Variants in TRPM7 observed in about 807,000 individuals in gnomAD.
TRPM7 encodes the protein LTRPC ion channel family member 7.
Under a neutral mutation model 229.7 loss-of-function variants are expected in TRPM7, and 134 were observed. The ratio of observed to expected loss-of-function variants is 0.58; its 90% CI spans 0.51 to 0.67. The LOEUF (loss-of-function observed/expected upper bound fraction) is 0.67, where lower values mean the gene tolerates loss of function less well. Among genes scored for constraint, TRPM7 ranks in the 30% least tolerant of loss-of-function variants. The pLI, the probability that TRPM7 is intolerant of heterozygous loss-of-function variation, is 0.00. For synonymous variants in TRPM7, 699 were observed against 715.2 expected, an observed-to-expected ratio of 0.98 and a Z score of 0.36; for missense variants, 1,901 against 2,210.0, an observed-to-expected ratio of 0.86 and a Z score of 2.80.
intron 5 of TRPM7, among the ~76,000 whole-genome samples, chr15:50,642,640 A>T (rs2140773874): frequency 6.6e-6 from 1 of 152,258 alleles, no homozygotes; most frequent in South Asian, 2.1e-4. Context: ...ACCTTCCACC[A>T]TGATTATAAA....
rs1883202557 is a variant in TRPM7 at position 50,658,822 on chromosome 15, A to G, written c.84-1003T>C. Among the ~76,000 whole-genome samples, 4 of 152,236 alleles carry G rather than the reference A, an allele frequency of 2.6e-5. 1 individual carries two copies. The highest frequency in any genetic ancestry group is 9.6e-5 in the African/African-American group (4 of 41,470). ...ATTTTTTTCCTAACAGCCAAAAGAA[A>G]GTGAAAATAGCTAAAATGTTCAATA... On this transcript the variant is annotated intron_variant, in intron 2 of 38. Transcript: ENST00000646667.
intron 22 of TRPM7, among the ~76,000 whole-genome samples, chr15:50,598,429 A>G (rs1286569530): frequency 6.6e-6 from 1 of 152,230 alleles, no homozygotes; most frequent in Non-Finnish European, 1.5e-5. Flanking sequence ...GAATGTACTC[A>G]CAAGCTGCAA....
chr15:50,650,192 CAAAAAAAAA>C (rs59579538), intron 3 of TRPM7, among the ~76,000 whole-genome samples: 1,065 of 62,302 alleles, frequency 0.017, 14 homozygotes, highest in African/African-American at 0.073. Flanking sequence ...GACTTTGTCT[CAAAAAAAAA>C]AAAAAAAAAA....
At position 50,639,446 on chromosome 15, in the gene TRPM7, C is replaced by G; in HGVS notation, c.638G>C (p.Arg213Thr). 6.2e-7 allele frequency: 1 copy of G among 1,601,718 alleles called. No homozygotes were observed. Among genetic ancestry groups the G allele is most frequent in the Non-Finnish European group, 8.5e-7 (1 of 1,172,900 alleles). The part of the protein sequence containing the change: ...GIAPWGVIEN[R>T]NDLVGRDVVA... Reference sequence around the variant, plus strand: ...TACATCTCTCCCAACAAGATCATTTCTGTTTTCAATCACTCCCCATGGAGC... The same window carrying G: ...TACATCTCTCCCAACAAGATCATTTGTGTTTTCAATCACTCCCCATGGAGC... Residue 213 changes from arginine to threonine, a missense_variant, in exon 6 of 39, where the codon AGA becomes ACA. This residue lies in a region of TRPM7 where 794 missense variants were observed against 881.9 expected (regional missense o/e 0.90). Coordinates refer to ENST00000646667, the MANE Select transcript of TRPM7 (RefSeq NM_017672.6).
chr15:50,640,816 G>A (rs971627164), intron 5 of TRPM7, among the ~76,000 whole-genome samples: 5 of 152,060 alleles, frequency 3.3e-5, no homozygotes, highest in African/African-American at 1.2e-4. Flanking sequence ...GAAACACCAA[G>A]GATACCTATA....
At chr15:50,685,238 G>A (rs2062331283) in intron 1 of TRPM7, among the ~76,000 whole-genome samples, 1 of 152,198 alleles carries the variant, frequency 6.6e-6, no homozygotes, top group Admixed American at 6.5e-5. Context: ...TGAGGCGGGC[G>A]GATCACCTGA....
intron 38 of TRPM7, among the ~76,000 whole-genome samples, chr15:50,564,513 TA>T (rs1424694079): frequency 6.6e-6 from 1 of 151,688 alleles, no homozygotes; most frequent in African/African-American, 2.4e-5. Context: ...CATTATAAAC[TA>T]ACCAAGTCAT....
At chr15:50,585,050 A>ATTTTTTTTTTTT (rs755433337) in intron 28 of TRPM7, among the ~76,000 whole-genome samples, 9 of 95,058 alleles carry the variant, frequency 9.5e-5, no homozygotes, top group African/African-American at 1.6e-4. Flanking sequence ...TAATTTTTGT[A>ATTTTTTTTTTTT]TTTTTTTTTT....
intron 10 of TRPM7, among the ~76,000 whole-genome samples, 187 bp downstream of exon 10, chr15:50,631,230 A>G (rs2060719688): frequency 6.6e-6 from 1 of 152,220 alleles, no homozygotes; most frequent in Non-Finnish European, 1.5e-5. Context: ...ATTAAAAGTT[A>G]CCTTGCCGCC....
intron 38 of TRPM7, among the ~76,000 whole-genome samples, chr15:50,564,155 C>G (rs1033439206): frequency 6.6e-6 from 1 of 151,844 alleles, no homozygotes; most frequent in Non-Finnish European, 1.5e-5. Context: ...AGCCATGGTG[C>G]CTGCCCAACA....
chr15:50,640,458 T>TC (rs2061067222), intron 5 of TRPM7, among the ~76,000 whole-genome samples: 1 of 147,958 alleles, frequency 6.8e-6, no homozygotes, highest in African/African-American at 2.5e-5. Context: ...TTTTTCTTTT[T>TC]TTTTTTTTTT....
At chr15:50,638,850 T>C (rs2061002917) in intron 6 of TRPM7, among the ~76,000 whole-genome samples, 1 of 152,044 alleles carries the variant, frequency 6.6e-6, no homozygotes. Context: ...CCAGTTAATT[T>C]TTGTATTTTT....
rs138638463 is a variant in TRPM7, at chr15:50,592,906, T to C, written c.3609-280A>G. Among the ~76,000 whole-genome samples the C allele has an allele frequency of 9.2e-5, 14 of 152,306 alleles. No homozygotes were observed. In the East Asian group the frequency reaches 2.5e-3, roughly 27 times the overall value. ...TCAAAGTAACACAAAATAATGTATA[T>C]ACAGCTACATATATACAGAACTACC... On this transcript the variant is annotated intron_variant, in intron 25 of 38. Coordinates refer to ENST00000646667, the MANE Select transcript of TRPM7 (RefSeq NM_017672.6).
intron 1 of TRPM7, among the ~76,000 whole-genome samples, chr15:50,686,200 G>C (rs569208832): frequency 5.3e-5 from 8 of 152,358 alleles, no homozygotes; most frequent in African/African-American, 1.9e-4. Context: ...TGAGCCCTGC[G>C]TCGGGCGCGC....
At chr15:50,587,921 G>A (rs2059384377) in intron 27 of TRPM7, among the ~76,000 whole-genome samples, 1 of 152,126 alleles carries the variant, frequency 6.6e-6, no homozygotes, top group African/African-American at 2.4e-5. Flanking sequence ...GTAGACAGCA[G>A]TCTGTTCTTT....
chr15:50,652,663 T>C (rs1357282821), intron 3 of TRPM7, among the ~76,000 whole-genome samples: 1 of 151,248 alleles, frequency 6.6e-6, no homozygotes, highest in Non-Finnish European at 1.5e-5. Context: ...ATCGTTTAAG[T>C]GGGTACATTT....
At chr15:50,607,959 G>A (rs113650637) in intron 19 of TRPM7, among the ~76,000 whole-genome samples, 4,845 of 149,232 alleles carry the variant, frequency 0.032, 114 homozygotes, top group Non-Finnish European at 0.05. Context: ...GGAGGCTGAG[G>A]CACAAGAATT....
At position 50,604,953 on chromosome 15, in the gene TRPM7, AAG is replaced by A; in HGVS notation, c.2899_2900del (p.Leu967Ter). 1 of 1,613,914 alleles carries A rather than the reference AAG, an allele frequency of 6.2e-7. No homozygotes were observed. The highest frequency in any genetic ancestry group is 8.5e-7 in the Non-Finnish European group (1 of 1,179,878). On this transcript the variant is annotated frameshift_variant, in exon 21 of 39. Transcript: ENST00000646667. LOFTEE classifies it high-confidence loss of function. ...VFVAGRLIYC[L>X]NIIFWYVRLL... ...AACGCACATACCAAAATATTATGTTAAGACAGTAAATTAATCTTCCAGCCACA... is the reference window on the plus strand; with the variant it reads ...AACGCACATACCAAAATATTATGTTAACAGTAAATTAATCTTCCAGCCACA...
At chr15:50,610,742 TTAG>T in intron 17 of TRPM7, among the ~76,000 whole-genome samples, 1 of 152,260 alleles carries the variant, frequency 6.6e-6, no homozygotes, top group East Asian at 1.9e-4. Flanking sequence ...GATTATTAAA[TTAG>T]TAGATAGGTC....
Sources: allele counts gnomAD v4.1 joint callset (sites outside exome capture counted in the v4.1 genomes callset), GRCh38; gene constraint gnomAD v4.1.1; regional missense constraint gnomAD v4.1.1; transcripts MANE v1.5; gene names NCBI Gene and HGNC (gene_info 2026-07-23, HGNC 2026-07-21).